RALGPS2: variants seen among roughly 807,000 people sequenced by gnomAD.
The protein encoded by RALGPS2 is ras-specific guanine nucleotide-releasing factor RalGPS2.
In RALGPS2, 43 loss-of-function variants were observed where a neutral mutation model predicts 86.8. The observed-to-expected ratio is 0.50, with a 90% confidence interval of 0.39 to 0.64. The LOEUF (loss-of-function observed/expected upper bound fraction) is 0.64. Among genes scored for constraint, RALGPS2 ranks in the 30% least tolerant of loss-of-function variants. The probability of loss-of-function intolerance (pLI) is 0.00; values close to 1 mark genes in which losing one functional copy is unlikely to be tolerated. For missense variants in RALGPS2, 536 were observed against 694.6 expected (o/e 0.77, Z 2.57); for synonymous variants, 243 against 231.3 (o/e 1.05, Z -0.46).
At chr1:178,742,217 G>A (rs929522482) in intron 1 of RALGPS2, among the ~76,000 whole-genome samples, 2 of 150,438 alleles carry the variant, frequency 1.3e-5, no homozygotes, top group African/African-American at 4.9e-5. Context: ...CTGCCTGCAA[G>A]AAACCTACTT....
chr1:178,742,712 A>G (rs561939537), intron 1 of RALGPS2, among the ~76,000 whole-genome samples: 1 of 152,346 alleles, frequency 6.6e-6, no homozygotes, highest in Non-Finnish European at 1.5e-5. Flanking sequence ...TTGGTCCACA[A>G]AAAAGTCTCA....
intron 10 of RALGPS2, among the ~76,000 whole-genome samples, chr1:178,881,607 T>C (rs1049669172): frequency 6.6e-6 from 1 of 152,050 alleles, no homozygotes; most frequent in Non-Finnish European, 1.5e-5. Flanking sequence ...CCCGCCATCA[T>C]GCCCGGCTAA....
intron 11 of RALGPS2, among the ~76,000 whole-genome samples, chr1:178,884,397 TA>T (rs1659388903): frequency 6.6e-6 from 1 of 152,196 alleles, no homozygotes; most frequent in Admixed American, 6.5e-5. Context: ...GTACCTTTTT[TA>T]AAATTCCCAA....
intron 14 of RALGPS2, among the ~76,000 whole-genome samples, chr1:178,890,046 G>C (rs185400957): frequency 6.6e-6 from 1 of 151,992 alleles, no homozygotes; most frequent in East Asian, 1.9e-4. Flanking sequence ...AAGGCATTTA[G>C]TGGAATGGTC....
intron 1 of RALGPS2, among the ~76,000 whole-genome samples, chr1:178,755,348 C>G (rs1329665411): frequency 6.6e-6 from 1 of 152,176 alleles, no homozygotes; most frequent in East Asian, 1.9e-4. Flanking sequence ...TCCCTCACTA[C>G]TCCTGCTGGT....
At chr1:178,810,402 C>G (rs1654920220) in intron 5 of RALGPS2, among the ~76,000 whole-genome samples, 1 of 151,904 alleles carries the variant, frequency 6.6e-6, no homozygotes, top group South Asian at 2.1e-4. Flanking sequence ...CAAAACAAAT[C>G]ACCATAATAT....
intron 1 of RALGPS2, among the ~76,000 whole-genome samples, chr1:178,775,607 C>T (rs1653041636): frequency 6.6e-6 from 1 of 152,088 alleles, no homozygotes; most frequent in African/African-American, 2.4e-5. Context: ...AGTACTCTGA[C>T]TTCCAGTAAA....
At chr1:178,740,774 G>A (rs1650975696) in intron 1 of RALGPS2, among the ~76,000 whole-genome samples, 5 of 152,146 alleles carry the variant, frequency 3.3e-5, no homozygotes. Flanking sequence ...TCTTGAGACT[G>A]CATTCATTCC....
At chr1:178,892,847 T>C (rs1390560263) in intron 15 of RALGPS2, among the ~76,000 whole-genome samples, 1 of 152,106 alleles carries the variant, frequency 6.6e-6, no homozygotes, top group Non-Finnish European at 1.5e-5. Context: ...CAGATAAGGG[T>C]GGTGTATTGA....
chr1:178,840,158 A>G (rs1427559095), intron 8 of RALGPS2, among the ~76,000 whole-genome samples: 2 of 152,190 alleles, frequency 1.3e-5, no homozygotes, highest in African/African-American at 2.4e-5. Flanking sequence ...GACCTAATAG[A>G]CATCTACAGA....
At chr1:178,840,588 C>T (rs1026415356) in intron 8 of RALGPS2, among the ~76,000 whole-genome samples, 1 of 151,698 alleles carries the variant, frequency 6.6e-6, no homozygotes, top group Non-Finnish European at 1.5e-5. Context: ...CACAATTGAA[C>T]TAGAGAAGCA....
chr1:178,731,119 G>GA (rs1650321083), intron 1 of RALGPS2, among the ~76,000 whole-genome samples: 1 of 152,030 alleles, frequency 6.6e-6, no homozygotes. Context: ...AAGAGTATAT[G>GA]AAGAGGTAAA....
intron 7 of RALGPS2, among the ~76,000 whole-genome samples, chr1:178,826,161 C>A (rs181498873): frequency 6.6e-6 from 1 of 152,162 alleles, no homozygotes; most frequent in East Asian, 1.9e-4. Context: ...CAACAACATT[C>A]TATGTAGGGA....
chr1:178,790,775 T>C (rs961125557), intron 4 of RALGPS2, among the ~76,000 whole-genome samples: 1 of 152,374 alleles, frequency 6.6e-6, no homozygotes, highest in Admixed American at 6.5e-5. Flanking sequence ...AGATATTGTT[T>C]ATTATGTCAA....
intron 10 of RALGPS2, among the ~76,000 whole-genome samples, chr1:178,881,961 A>G (rs1035933755): frequency 6.6e-6 from 1 of 152,208 alleles, no homozygotes. Context: ...TCATCTACAT[A>G]GGCAGCCAGT....
At position 178,869,747 on chromosome 1, in the gene RALGPS2, A is replaced by G. The variant is rs527906481; in HGVS notation, c.608-7751A>G. Among the ~76,000 whole-genome samples the G allele has an allele frequency of 3.3e-5, 5 of 152,274 alleles. No individual in the cohort carries two copies. The East Asian group carries it at 7.7e-4, about 23-fold the overall frequency. On this transcript the variant is annotated intron_variant, in intron 8 of 19. Coordinates refer to ENST00000367635, the MANE Select transcript of RALGPS2 (RefSeq NM_152663.5). ...ATTTGCTTGTTCAAGATTCTTAACCATTAATATCTTTAATTTTTACAAGGC... is the reference window on the plus strand; with the variant it reads ...ATTTGCTTGTTCAAGATTCTTAACCGTTAATATCTTTAATTTTTACAAGGC...
intron 14 of RALGPS2, among the ~76,000 whole-genome samples, chr1:178,890,386 C>T (rs1659668901): frequency 6.6e-6 from 1 of 151,914 alleles, no homozygotes; most frequent in African/African-American, 2.4e-5. Context: ...TCAGTTCTGC[C>T]ATTTCAGACT....
intron 5 of RALGPS2, among the ~76,000 whole-genome samples, chr1:178,809,817 G>T (rs937270366): frequency 6.6e-6 from 1 of 152,102 alleles, no homozygotes; most frequent in Non-Finnish European, 1.5e-5. Context: ...TTATGACCTC[G>T]TCCTGGAAGT....
intron 5 of RALGPS2, among the ~76,000 whole-genome samples, chr1:178,810,800 A>G (rs894148538): frequency 1.1e-4 from 17 of 152,196 alleles, no homozygotes; most frequent in African/African-American, 2.9e-4. Context: ...ATTTTGAACT[A>G]TATTCTGTAT....
Sources: allele counts gnomAD v4.1 joint callset (sites outside exome capture counted in the v4.1 genomes callset), GRCh38; gene constraint gnomAD v4.1.1; transcripts MANE v1.5; gene names NCBI Gene and HGNC (gene_info 2026-07-23, HGNC 2026-07-21).